The following RMDN1 variants were observed in gnomAD, a reference collection of about 807,000 sequenced individuals.
RMDN1 encodes the protein regulator of microtubule dynamics protein 1.
In RMDN1, 48 loss-of-function variants were observed where a neutral mutation model predicts 48.9. The ratio of observed to expected loss-of-function variants is 0.98; its 90% CI spans 0.78 to 1.25. The LOEUF is 1.25. Ranked by LOEUF, RMDN1 falls within the 50% of genes most tolerant of loss-of-function variation. The probability of loss-of-function intolerance (pLI) is 0.00; values close to 1 mark genes in which losing one functional copy is unlikely to be tolerated. For synonymous variants in RMDN1, 148 were observed against 132.6 expected (o/e 1.12, Z -0.80); for missense variants, 418 against 373.4 (o/e 1.12, Z -0.98).
At chr8:86,499,631 T>C (rs1817891542) in intron 2 of RMDN1, among the ~76,000 whole-genome samples, 1 of 152,186 alleles carries the variant, frequency 6.6e-6, no homozygotes, top group Admixed American at 6.5e-5. Flanking sequence ...ATTTACAGAT[T>C]CTTATTTGTT....
rs1819086976 is a variant in RMDN1 at position 86,505,073 on chromosome 8, G to A, written c.247+1922C>T. The A allele has an allele frequency of 7.1e-6, 10 of 1,409,904 alleles. No individual in the cohort carries two copies. In the South Asian group the frequency reaches 1.3e-4, roughly 18 times the overall value. 87.3% of individuals were successfully genotyped at this position (1,409,904 alleles called of 1,614,324 possible). On this transcript the variant is annotated intron_variant, in intron 2 of 9. Transcript: ENST00000406452. ...AGACCACCACCAATGTCTAAGTCAT[G>A]CCTCCTTCCACCTCCCTCCCAGCAT...
At chr8:86,498,588 G>A (rs1009409858) in intron 2 of RMDN1, among the ~76,000 whole-genome samples, 2 of 152,014 alleles carry the variant, frequency 1.3e-5, no homozygotes, top group Non-Finnish European at 2.9e-5. Context: ...AGACCACCCT[G>A]AGCAACATGG....
chr8:86,506,955 A>C, intron 2 of RMDN1, 40 bp downstream of exon 2: 6 of 1,109,558 alleles, frequency 5.4e-6, no homozygotes, highest in Non-Finnish European at 8.1e-6. Flanking sequence ...TACGCACACA[A>C]AAAAACTCTA....
upstream of RMDN1, among the ~76,000 whole-genome samples, chr8:86,510,796 A>C (rs1326459876): frequency 6.6e-6 from 1 of 152,188 alleles, no homozygotes; most frequent in Non-Finnish European, 1.5e-5. Context: ...TGGAGTGTGG[A>C]GTTTCAGAGG....
chr8:86,480,875 T>C (rs73688857), intron 5 of RMDN1, among the ~76,000 whole-genome samples: 22,498 of 152,008 alleles, frequency 0.15, 1,796 homozygotes, highest in Non-Finnish European at 0.19. Flanking sequence ...CCATCTGTAC[T>C]TACCAAAGGA....
At chr8:86,490,547 T>C (rs944793661) in intron 2 of RMDN1, among the ~76,000 whole-genome samples, 3 of 152,072 alleles carry the variant, frequency 2.0e-5, no homozygotes, top group Non-Finnish European at 4.4e-5. Context: ...CCCTAGGGTC[T>C]CTGGAATGCA....
At chr8:86,489,471 C>A (rs1816085069) in intron 2 of RMDN1, among the ~76,000 whole-genome samples, 1 of 152,128 alleles carries the variant, frequency 6.6e-6, no homozygotes, top group Admixed American at 6.5e-5. Flanking sequence ...ACTACTTAGT[C>A]CTAAGCCAAG....
At chr8:86,488,526 G>A (rs1316952231) in intron 3 of RMDN1, 26 bp downstream of exon 3, 1 of 1,493,606 alleles carries the variant, frequency 6.7e-7, no homozygotes, top group Non-Finnish European at 9.2e-7. Flanking sequence ...GAAACCACAA[G>A]CCTAGGCCTA....
At chr8:86,499,380 C>T (rs1297969133) in intron 2 of RMDN1, among the ~76,000 whole-genome samples, 1 of 152,058 alleles carries the variant, frequency 6.6e-6, no homozygotes, top group African/African-American at 2.4e-5. Context: ...TTGCAGGTTA[C>T]AAAATCAATG....
intron 2 of RMDN1, among the ~76,000 whole-genome samples, chr8:86,494,175 T>C (rs1038535248): frequency 1.3e-5 from 2 of 152,216 alleles, no homozygotes; most frequent in African/African-American, 4.8e-5. Flanking sequence ...GTATTACGTA[T>C]TTAGAAATTG....
downstream of RMDN1, among the ~76,000 whole-genome samples, chr8:86,471,008 A>C (rs554943943): frequency 3.7e-4 from 57 of 152,316 alleles, no homozygotes; most frequent in South Asian, 0.011. Flanking sequence ...AACTATACAC[A>C]CAAGAGCATT....
At chr8:86,468,451 G>A, downstream of RMDN1, 1 of 436,808 alleles carries the variant, frequency 2.3e-6, no homozygotes, top group Non-Finnish European at 4.5e-6. Flanking sequence ...AAATTCTAAT[G>A]TATGTGACAG....
At chr8:86,505,513 T>C (rs543655981) in intron 2 of RMDN1, 4 of 326,580 alleles carry the variant, frequency 1.2e-5, no homozygotes, top group East Asian at 7.6e-5. Context: ...CATATAGCTC[T>C]ACAAGGCAAA....
At chr8:86,477,371 A>C (rs759695407) in intron 7 of RMDN1, 47 bp from the exon 8 acceptor site, 3 of 1,460,232 alleles carry the variant, frequency 2.1e-6, no homozygotes, top group East Asian at 2.3e-5. Context: ...AGATTAAAGA[A>C]GACAATATTA....
At chr8:86,481,560 CTTTTTT>C (rs71275857) in intron 5 of RMDN1, among the ~76,000 whole-genome samples, 11 of 104,486 alleles carry the variant, frequency 1.1e-4, no homozygotes, top group Non-Finnish European at 1.3e-4. Context: ...ATTAATTTTC[CTTTTTT>C]TTTTTTTTTT....
intron 2 of RMDN1, chr8:86,504,929 T>A: frequency 2.4e-6 from 3 of 1,228,732 alleles, no homozygotes; most frequent in Non-Finnish European, 3.6e-6. Context: ...TCAAAGTCCC[T>A]GAGACCCATG....
At chr8:86,494,517 C>T (rs1395541524) in intron 2 of RMDN1, among the ~76,000 whole-genome samples, 1 of 152,130 alleles carries the variant, frequency 6.6e-6, no homozygotes, top group Non-Finnish European at 1.5e-5. Context: ...GATCATGCCA[C>T]TGCACTTCAG....
chr8:86,487,146 ATAATG>A (rs1160861519), intron 3 of RMDN1, among the ~76,000 whole-genome samples: 1 of 152,252 alleles, frequency 6.6e-6, no homozygotes. Flanking sequence ...ATGGTTGAAT[ATAATG>A]TAATCTCAAA....
At chr8:86,487,798 C>T (rs991353108) in intron 3 of RMDN1, among the ~76,000 whole-genome samples, 5 of 151,958 alleles carry the variant, frequency 3.3e-5, no homozygotes, top group African/African-American at 1.2e-4. Context: ...AAACCAGCCA[C>T]CTTGAATTAC....
Sources: allele counts gnomAD v4.1 joint callset (sites outside exome capture counted in the v4.1 genomes callset), GRCh38; gene constraint gnomAD v4.1.1; transcripts MANE v1.5; gene names NCBI Gene and HGNC (gene_info 2026-07-23, HGNC 2026-07-21).